Variants in ZDHHC5 observed in about 807,000 individuals in gnomAD.
ZDHHC5 encodes palmitoyltransferase ZDHHC5.
In ZDHHC5, 22 loss-of-function variants were observed where a neutral mutation model predicts 70.0. The observed-to-expected ratio is 0.31, with a 90% CI of 0.22 to 0.45. ZDHHC5 has a LOEUF of 0.45. Ranked by LOEUF, ZDHHC5 falls within the 20% of genes least tolerant of loss-of-function variation. The probability of loss-of-function intolerance (pLI) is 1.00; values close to 1 mark genes in which losing one functional copy is unlikely to be tolerated. For missense variants in ZDHHC5, 746 were observed against 926.9 expected (o/e 0.80, Z 2.53); for synonymous variants, 313 against 347.8 (o/e 0.90, Z 1.11).
intron 10 of ZDHHC5, 71 bp from the exon 11 acceptor site, chr11:57,698,488 C>G (rs1007108743): frequency 6.6e-6 from 10 of 1,517,566 alleles, no homozygotes; most frequent in Non-Finnish European, 8.8e-6. Flanking sequence ...TTTTGACCAA[C>G]TCCTTGAGCT....
chr11:57,683,793 A>C (rs1031368089), intron 3 of ZDHHC5, among the ~76,000 whole-genome samples: 5 of 152,128 alleles, frequency 3.3e-5, no homozygotes, highest in African/African-American at 1.2e-4. Flanking sequence ...TAACGATCAG[A>C]GGAGGAGGAA....
chr11:57,699,746 G>A (rs1256687354), intron 11 of ZDHHC5, 120 bp from the exon 12 acceptor site: 13 of 1,323,474 alleles, frequency 9.8e-6, no homozygotes, highest in Non-Finnish European at 1.3e-5. Flanking sequence ...GAATGTTTGG[G>A]TAAGAAAGTA....
At chr11:57,699,732 AG>A (rs1946414976) in intron 11 of ZDHHC5, 133 bp from the exon 12 acceptor site, 1 of 1,216,214 alleles carries the variant, frequency 8.2e-7, no homozygotes, top group African/African-American at 1.5e-5. Context: ...AGGGCAATAA[AG>A]GGGAATGTTT....
intron 2 of ZDHHC5, among the ~76,000 whole-genome samples, chr11:57,678,520 G>A (rs1042052029): frequency 2.0e-5 from 3 of 146,432 alleles, no homozygotes; most frequent in African/African-American, 7.6e-5. Flanking sequence ...GCAGTGAGCC[G>A]AGATCGCGTC....
rs1481014369 is a variant in ZDHHC5, at chr11:57,699,097, C to T, written c.1661C>T (p.Ser554Leu). 6 of 1,613,774 alleles carry T rather than the reference C, an allele frequency of 3.7e-6. No individual in the cohort carries two copies. Among genetic ancestry groups the T allele is most frequent in the Non-Finnish European group, 4.2e-6 (5 of 1,179,848 alleles). ...LQEREKLLRQ[S>L]PPLPGREEEP... is the part of the protein sequence containing the mutation. ...GAACGAGAGAAGTTGCTGCGCCAGT[C>T]ACCCCCACTCCCGGGCCGTGAGGAA... is the stretch of plus-strand genomic sequence containing the variant. Residue 554 changes from serine to leucine, a missense_variant, in exon 11 of 12, where the codon TCA (serine) becomes TTA (leucine). By Grantham distance (145) the Ser-to-Leu change is moderately radical. Coordinates refer to ENST00000287169, the MANE Select transcript of ZDHHC5 (RefSeq NM_015457.3).
intron 8 of ZDHHC5, 34 bp downstream of exon 8, chr11:57,693,949 T>C: frequency 6.3e-7 from 1 of 1,582,790 alleles, no homozygotes; most frequent in South Asian, 1.2e-5. Flanking sequence ...CTAGATAACA[T>C]GGAAGTCTCA....
Position 57,673,226 on chromosome 11 carries a change from G to A in ZDHHC5, c.104+32G>A, listed in dbSNP as rs375344224. 1.6e-5 allele frequency: 25 copies of A among 1,603,726 alleles called. No homozygotes were observed. In the African/African-American group the frequency reaches 3.2e-4, roughly 21 times the overall value. The stretch of plus-strand genomic sequence containing the variant: ...TTTCTCCCAGCAGGGGTGTTTGGGT[G>A]GGTGGATACTCCATGGGAAGTGAGG... On this transcript the variant is annotated intron_variant, in intron 2 of 11. Transcript: ENST00000287169.
At chr11:57,673,305 G>A (rs1260767252) in intron 2 of ZDHHC5, 111 bp downstream of exon 2, 21 of 964,246 alleles carry the variant, frequency 2.2e-5, no homozygotes, top group Admixed American at 6.2e-5. Flanking sequence ...AGGGCTCAGC[G>A]TCTGGTACAG....
intron 2 of ZDHHC5, among the ~76,000 whole-genome samples, chr11:57,679,844 A>G (rs1183966396): frequency 2.0e-5 from 3 of 152,114 alleles, no homozygotes; most frequent in Non-Finnish European, 4.4e-5. Context: ...GTGTTCCCTT[A>G]TAGTGCTGAT....
intron 8 of ZDHHC5, among the ~76,000 whole-genome samples, chr11:57,695,413 C>T (rs1305342690): frequency 6.6e-6 from 1 of 151,716 alleles, no homozygotes; most frequent in Non-Finnish European, 1.5e-5. Context: ...GAGCAAGACT[C>T]CATTTCAAAA....
chr11:57,683,409 A>T (rs1946171623), intron 3 of ZDHHC5, among the ~76,000 whole-genome samples: 1 of 152,216 alleles, frequency 6.6e-6, no homozygotes, highest in Non-Finnish European at 1.5e-5. Context: ...TAGACTCAAT[A>T]ATTTTTCATG....
intron 7 of ZDHHC5, 104 bp downstream of exon 7, chr11:57,692,806 G>C (rs1421699890): frequency 2.6e-6 from 3 of 1,156,684 alleles, no homozygotes; most frequent in Non-Finnish European, 3.7e-6. Flanking sequence ...TTTAGGAAGG[G>C]TTCTCTATCT....
intron 11 of ZDHHC5, 28 bp from the exon 12 acceptor site, chr11:57,699,838 A>T (rs376011671): frequency 6.2e-6 from 10 of 1,613,846 alleles, no homozygotes; most frequent in African/African-American, 2.7e-5. Context: ...CCATTTCCTG[A>T]CACCTACGTC....
chr11:57,695,186 C>T (rs1325627152), intron 8 of ZDHHC5, among the ~76,000 whole-genome samples: 18 of 151,578 alleles, frequency 1.2e-4, no homozygotes, highest in Admixed American at 9.9e-4. Flanking sequence ...TGCTTGAACC[C>T]GGGAGGCGGA....
At chr11:57,694,951 A>G (rs1329309743) in intron 8 of ZDHHC5, among the ~76,000 whole-genome samples, 2 of 152,140 alleles carry the variant, frequency 1.3e-5, no homozygotes, top group Non-Finnish European at 2.9e-5. Context: ...TCTCTAAAAC[A>G]GACTAAAATA....
intron 1 of ZDHHC5, 77 bp downstream of exon 1, chr11:57,668,264 G>A: frequency 3.0e-6 from 1 of 337,706 alleles, no homozygotes; most frequent in Non-Finnish European, 5.3e-6. Flanking sequence ...GTGACCTCTA[G>A]GGAAGGGGGA....
Position 57,699,848 on chromosome 11 carries a change from C to G in ZDHHC5, c.1983-18C>G, listed in dbSNP as rs753036609. On this transcript the variant is annotated intron_variant, in intron 11 of 11. Transcript: ENST00000287169. ...CTGTCCCATTTCCTGACACCTACGT[C>G]TTGTCTCTTCTTTCCAGAGATGAAG... 6.2e-7 allele frequency: 1 copy of G among 1,614,150 alleles called. No individual in the cohort carries two copies. The highest frequency in any genetic ancestry group is 2.2e-5 in the East Asian group (1 of 44,886).
At chr11:57,682,314 A>G in intron 2 of ZDHHC5, 108 bp from the exon 3 acceptor site, 1 of 1,417,306 alleles carries the variant, frequency 7.1e-7, no homozygotes, top group South Asian at 1.5e-5. Flanking sequence ...GGTAAACCAC[A>G]CAAGATTTAT....
chr11:57,696,892 G>A lies in ZDHHC5; in HGVS notation c.1122+19G>A, dbSNP rs972631593. 1.2e-6 allele frequency: 2 copies of A among 1,611,978 alleles called. No individual in the cohort carries two copies. The highest frequency in any genetic ancestry group is 1.7e-6 in the Non-Finnish European group (2 of 1,178,860). On this transcript the variant is annotated intron_variant, in intron 10 of 11. Transcript: ENST00000287169. ...CGCCAAGGTACTGAGTACTCTAAGA[G>A]GTGGGGTAATAACATGCCAACTGGC...
Sources: gnomAD v4.1 joint callset for allele counts (sites outside exome capture counted in the v4.1 genomes callset) on GRCh38, gnomAD v4.1.1 for gene constraint, MANE v1.5 for transcripts, NCBI Gene and HGNC (gene_info 2026-07-23, HGNC 2026-07-21) for gene names.